Variants in GLI2 observed in about 807,000 individuals in gnomAD.
GLI2 encodes GLI family zinc finger 2.
In GLI2, 22 loss-of-function variants were observed where a neutral mutation model predicts 78.9. The ratio of observed to expected loss-of-function variants is 0.28; its 90% confidence interval spans 0.20 to 0.40. The LOEUF is 0.40. Among genes scored for constraint, GLI2 ranks in the 10% least tolerant of loss-of-function variants. The pLI is 1.00. For missense variants in GLI2, 2,097 were observed against 2,213.2 expected, an observed-to-expected ratio of 0.95 and a Z score of 1.05; for synonymous variants, 974 against 963.7, an observed-to-expected ratio of 1.01 and a Z score of -0.20.
At chr2:120,892,284 G>A (rs1475667991) in intron 2 of GLI2, among the ~76,000 whole-genome samples, 10 of 152,208 alleles carry the variant, frequency 6.6e-5, no homozygotes, top group Non-Finnish European at 5.9e-5. Context: ...GGCCTGAGCC[G>A]CCTGCTCTGG....
chr2:120,781,273 G>GGT (rs1340829425), intron 1 of GLI2, among the ~76,000 whole-genome samples: 1 of 152,134 alleles, frequency 6.6e-6, no homozygotes, highest in African/African-American at 2.4e-5. Flanking sequence ...CCTCTGATAG[G>GGT]GTGGTGGTCA....
intron 1 of GLI2, among the ~76,000 whole-genome samples, chr2:120,773,285 G>A (rs759530418): frequency 7.2e-5 from 11 of 152,162 alleles, no homozygotes; most frequent in Non-Finnish European, 1.3e-4. Flanking sequence ...ATCCGGGCCC[G>A]GGTAGGATAT....
intron 2 of GLI2, 79 bp downstream of exon 2, chr2:120,797,547 C>T (rs1283931563): frequency 7.2e-7 from 1 of 1,396,532 alleles, no homozygotes; most frequent in South Asian, 1.2e-5. Context: ...GAGTGGTGGC[C>T]CATGTCGTCA....
chr2:120,815,498 G>C (rs920490970), intron 2 of GLI2, among the ~76,000 whole-genome samples: 4 of 152,300 alleles, frequency 2.6e-5, no homozygotes, highest in Admixed American at 2.6e-4. Flanking sequence ...CTGTGCTGCC[G>C]TGTGTGTGGC....
intron 2 of GLI2, among the ~76,000 whole-genome samples, chr2:120,851,209 T>C (rs912922681): frequency 4.6e-5 from 7 of 152,028 alleles, no homozygotes; most frequent in Admixed American, 6.5e-5. Context: ...CAAGAACTCA[T>C]TGGGGGTGGA....
intron 1 of GLI2, among the ~76,000 whole-genome samples, chr2:120,755,441 T>A (rs1385122383): frequency 6.6e-6 from 1 of 152,196 alleles, no homozygotes; most frequent in Non-Finnish European, 1.5e-5. Context: ...ATTTTTTTTT[T>A]AACATGGGTT....
At chr2:120,815,021 G>C (rs1685428809) in intron 2 of GLI2, among the ~76,000 whole-genome samples, 2 of 152,240 alleles carry the variant, frequency 1.3e-5, no homozygotes, top group South Asian at 4.1e-4. Context: ...ACGGGCCTGA[G>C]ACAGGGAGAG....
chr2:120,955,731 A>G (rs1681228721), intron 5 of GLI2, among the ~76,000 whole-genome samples: 1 of 152,190 alleles, frequency 6.6e-6, no homozygotes, highest in African/African-American at 2.4e-5. Context: ...AAAGTAGCCA[A>G]TTATAAATGG....
intron 2 of GLI2, among the ~76,000 whole-genome samples, chr2:120,804,770 G>A (rs1375505960): frequency 1.3e-5 from 2 of 152,228 alleles, no homozygotes; most frequent in African/African-American, 4.8e-5. Flanking sequence ...GCGGGGTGCA[G>A]GCTGACCACC....
At chr2:120,983,978 T>TGTGC (rs1553477433) in intron 11 of GLI2, among the ~76,000 whole-genome samples, 6 of 145,872 alleles carry the variant, frequency 4.1e-5, no homozygotes, top group South Asian at 2.2e-4. Context: ...TGTGTGTGTG[T>TGTGC]GCATGTTTAT....
chr2:120,855,008 G>C (rs1198148154), intron 2 of GLI2, among the ~76,000 whole-genome samples: 1 of 152,262 alleles, frequency 6.6e-6, no homozygotes, highest in African/African-American at 2.4e-5. Flanking sequence ...CCTCCACACA[G>C]AGCAGGCTCC....
At chr2:120,781,073 C>T (rs557801786) in intron 1 of GLI2, among the ~76,000 whole-genome samples, 3 of 152,318 alleles carry the variant, frequency 2.0e-5, no homozygotes, top group South Asian at 4.1e-4. Context: ...TTTCTTTCAC[C>T]TTGCTCCATA....
intron 2 of GLI2, among the ~76,000 whole-genome samples, chr2:120,853,991 T>C (rs548953060): frequency 3.3e-5 from 5 of 152,196 alleles, no homozygotes; most frequent in African/African-American, 1.2e-4. Flanking sequence ...CCCGAGCCCA[T>C]TTTTGTCTCC....
At chr2:120,750,906 TG>T (rs1375523606) in intron 1 of GLI2, among the ~76,000 whole-genome samples, 1 of 152,242 alleles carries the variant, frequency 6.6e-6, no homozygotes, top group Non-Finnish European at 1.5e-5. Context: ...GAGGCTGCAC[TG>T]GGCCCCAGGG....
intron 2 of GLI2, among the ~76,000 whole-genome samples, chr2:120,870,073 G>A (rs1001725493): frequency 7.2e-5 from 11 of 152,180 alleles, no homozygotes; most frequent in African/African-American, 2.7e-4. Context: ...AAGTATAAGA[G>A]GATTGAAGTG....
intron 2 of GLI2, among the ~76,000 whole-genome samples, chr2:120,812,840 C>T (rs1685319197): frequency 6.6e-6 from 1 of 152,204 alleles, no homozygotes; most frequent in African/African-American, 2.4e-5. Flanking sequence ...CCAATCCTGC[C>T]AGTGTGTGAG....
At position 120,951,152 on chromosome 2, in the gene GLI2, G is replaced by C. The variant is rs1573659529; in HGVS notation, c.255-91G>C. The C allele has an allele frequency of 6.3e-6, 5 of 790,238 alleles. No homozygotes were observed. In the East Asian group the frequency reaches 9.7e-5, roughly 15 times the overall value. The allele number at this position is 790,238 out of a possible 1,614,324, so 49.0% of individuals were successfully genotyped here. A position where few individuals can be genotyped will look rare whatever the true frequency, so the allele number is the denominator to read the frequency against. Reference sequence around the variant, plus strand: ...AGGTTGTTCTGGAAAGTCTTTCCAGGAGAGACAAGGACTGTCCATGTTGGT... The same window carrying C: ...AGGTTGTTCTGGAAAGTCTTTCCAGCAGAGACAAGGACTGTCCATGTTGGT... On this transcript the variant is annotated intron_variant, in intron 3 of 13. Coordinates refer to ENST00000361492, the MANE Select transcript of GLI2 (RefSeq NM_001374353.1).
intron 2 of GLI2, among the ~76,000 whole-genome samples, chr2:120,870,298 G>A (rs1350764826): frequency 1.3e-5 from 2 of 152,224 alleles, no homozygotes; most frequent in Non-Finnish European, 2.9e-5. Flanking sequence ...GTCTGCAGCA[G>A]TGTTTCCATG....
At chr2:120,865,899 C>A (rs892913718) in intron 2 of GLI2, among the ~76,000 whole-genome samples, 6 of 152,234 alleles carry the variant, frequency 3.9e-5, no homozygotes, top group South Asian at 2.1e-4. Flanking sequence ...CCTGGCACCC[C>A]CCCTGTTCAA....
Sources: gnomAD v4.1 joint callset for allele counts (sites outside exome capture counted in the v4.1 genomes callset) on GRCh38, gnomAD v4.1.1 for gene constraint, MANE v1.5 for transcripts, NCBI Gene and HGNC (gene_info 2026-07-23, HGNC 2026-07-21) for gene names.